SMG6: variants seen among roughly 807,000 people sequenced by gnomAD.
SMG6 encodes the protein SMG6 nonsense mediated mRNA decay factor.
In SMG6, 66 loss-of-function variants were observed where a neutral mutation model predicts 142.2. That is an observed-to-expected ratio of 0.46 (90% CI 0.38 to 0.57). The LOEUF (loss-of-function observed/expected upper bound fraction) is 0.57. Among genes scored for constraint, SMG6 ranks in the 20% least tolerant of loss-of-function variants. The pLI, the probability that SMG6 is intolerant of heterozygous loss-of-function variation, is 0.00. For synonymous variants in SMG6, 779 were observed against 702.4 expected, an observed-to-expected ratio of 1.11 and a Z score of -1.72; for missense variants, 1,793 against 1,832.0, an observed-to-expected ratio of 0.98 and a Z score of 0.39.
At chr17:2,098,920 C>G (rs562072347) in intron 13 of SMG6, among the ~76,000 whole-genome samples, 2 of 152,178 alleles carry the variant, frequency 1.3e-5, no homozygotes, top group Non-Finnish European at 2.9e-5. Context: ...CGTGAGCCAC[C>G]GTGCCTGGCC....
rs2072006977 is a variant in SMG6, at chr17:2,186,910, A to C, written c.2987-79T>G. 2.0e-6 allele frequency: 3 copies of C among 1,503,454 alleles called. No individual in the cohort carries two copies. In the Admixed American group the frequency reaches 6.0e-5, roughly 30 times the overall value. The allele number at this position is 1,503,454 out of a possible 1,614,324, so 93.1% of individuals were successfully genotyped here. On this transcript the variant is annotated intron_variant, in intron 11 of 18. Transcript: ENST00000263073. ...AGGCCTGGGGCGCTGGGACGGCAGC[A>C]AGCTCTTAGGGAAGGGAGACCAAGT...
intron 11 of SMG6, among the ~76,000 whole-genome samples, chr17:2,187,983 C>T (rs1045459355): frequency 2.6e-5 from 4 of 152,130 alleles, no homozygotes; most frequent in Admixed American, 6.5e-5. Context: ...CTATCTGGTC[C>T]AGTGAGTCTC....
chr17:2,093,513 T>A (rs546320302), intron 13 of SMG6, among the ~76,000 whole-genome samples: 70 of 151,496 alleles, frequency 4.6e-4, no homozygotes, highest in African/African-American at 1.7e-3. Context: ...GCAGCTGGCA[T>A]TTTTTTTTCC....
At chr17:2,211,326 T>C (rs891752271) in intron 10 of SMG6, among the ~76,000 whole-genome samples, 1 of 151,844 alleles carries the variant, frequency 6.6e-6, no homozygotes, top group Non-Finnish European at 1.5e-5. Context: ...TGAAGGAAAA[T>C]AAATAACTCT....
rs547383319 is a variant in SMG6, at chr17:2,208,471, T to A, written c.2870-19956A>T. On this transcript the variant is annotated intron_variant, in intron 10 of 18. Transcript: ENST00000263073. ...GCCTAGAAATCCCAACAGGGAGGGG[T>A]CCACAGCGCAGACCCCACCAAATCT... 5.9e-5 allele frequency among the ~76,000 whole-genome samples: 9 copies of A among 152,144 alleles called. No homozygotes were observed. The East Asian group carries it at 1.5e-3, about 26-fold the overall frequency.
At chr17:2,089,922 G>C (rs1265555587) in intron 13 of SMG6, among the ~76,000 whole-genome samples, 1 of 152,074 alleles carries the variant, frequency 6.6e-6, no homozygotes, top group East Asian at 1.9e-4. Flanking sequence ...GGTAGCTCAC[G>C]AATGTCATGT....
At chr17:2,171,621 G>A (rs188446573) in intron 13 of SMG6, among the ~76,000 whole-genome samples, 177 of 151,970 alleles carry the variant, frequency 1.2e-3, no homozygotes, top group African/African-American at 4.0e-3. Flanking sequence ...CGATCCGCCC[G>A]TCTCCGCTTC....
chr17:2,303,166 G>GA, intron 1 of SMG6: 1 of 985,472 alleles, frequency 1.0e-6, no homozygotes, highest in Non-Finnish European at 1.2e-6. Context: ...TCTTGGGGGG[G>GA]AAAAGTTCAG....
Position 2,060,598 on chromosome 17 carries a change from GGAA to G in SMG6, c.*891_*893del, listed in dbSNP as rs1271944082. 1 of 152,392 alleles carries G rather than the reference GGAA, an allele frequency of 6.6e-6. No individual in the cohort carries two copies. Among genetic ancestry groups the G allele is most frequent in the Non-Finnish European group, 1.5e-5 (1 of 68,110 alleles). 9.4% of individuals were successfully genotyped at this position (152,392 alleles called of 1,614,324 possible). ...GAGGTGAAAAGGATCAACTAGAAGGGGAAGAAGGGTGAGGGGCTATTCTGGAGG... is the reference window on the plus strand; with the variant it reads ...GAGGTGAAAAGGATCAACTAGAAGGGGAAGGGTGAGGGGCTATTCTGGAGG... On this transcript the variant is annotated 3_prime_UTR_variant, in exon 19 of 19. Transcript: ENST00000263073.
chr17:2,265,668 G>A (rs1389428794), intron 8 of SMG6, among the ~76,000 whole-genome samples: 7 of 152,098 alleles, frequency 4.6e-5, no homozygotes, highest in African/African-American at 7.2e-5. Flanking sequence ...TTTAGGCTTC[G>A]TGAGCCACGT....
At chr17:2,100,996 A>G (rs1297881597) in intron 13 of SMG6, 2 of 152,304 alleles carry the variant, frequency 1.3e-5, no homozygotes, top group East Asian at 3.9e-4. Context: ...ACTGAGTTTT[A>G]GAATTACTGC....
intron 13 of SMG6, among the ~76,000 whole-genome samples, chr17:2,112,598 C>T (rs1315087914): frequency 6.7e-6 from 1 of 149,326 alleles, no homozygotes; most frequent in African/African-American, 2.4e-5. Context: ...CAAGTTCTTG[C>T]ATTTGAATTG....
At chr17:2,145,595 C>T (rs1482163218) in intron 13 of SMG6, among the ~76,000 whole-genome samples, 12 of 143,028 alleles carry the variant, frequency 8.4e-5, no homozygotes, top group Admixed American at 2.1e-4. Context: ...TGGCCGAGAT[C>T]GCGCCACTGC....
intron 13 of SMG6, among the ~76,000 whole-genome samples, chr17:2,166,973 A>G (rs2151638253): frequency 1.3e-5 from 2 of 152,064 alleles, no homozygotes; most frequent in Admixed American, 1.3e-4. Flanking sequence ...TAAAAATACA[A>G]AAAAATTAGC....
chr17:2,151,701 T>C (rs149346328), intron 13 of SMG6, among the ~76,000 whole-genome samples: 16 of 152,336 alleles, frequency 1.1e-4, no homozygotes, highest in Admixed American at 3.3e-4. Context: ...AGATTCCACA[T>C]AGTATCTTCT....
intron 18 of SMG6, among the ~76,000 whole-genome samples, chr17:2,064,688 C>T (rs1227186689): frequency 2.0e-5 from 3 of 151,574 alleles, no homozygotes; most frequent in African/African-American, 7.3e-5. Context: ...GGGGGGCTGC[C>T]CTCAGAGCTG....
At chr17:2,156,198 T>C (rs1431071254) in intron 13 of SMG6, among the ~76,000 whole-genome samples, 2 of 151,106 alleles carry the variant, frequency 1.3e-5, no homozygotes, top group Non-Finnish European at 3.0e-5. Flanking sequence ...GAGACCATCC[T>C]GGGCAACATA....
intron 13 of SMG6, among the ~76,000 whole-genome samples, chr17:2,160,784 T>C (rs1016778401): frequency 2.0e-5 from 3 of 152,066 alleles, no homozygotes; most frequent in Non-Finnish European, 2.9e-5. Context: ...TGAGCCATGA[T>C]TGTATCACTG....
intron 9 of SMG6, among the ~76,000 whole-genome samples, chr17:2,241,076 A>C (rs983692425): frequency 6.6e-6 from 1 of 152,224 alleles, no homozygotes; most frequent in African/African-American, 2.4e-5. Flanking sequence ...ACAGAATAAG[A>C]GGATACCCAT....
Sources: allele counts gnomAD v4.1 joint callset (sites outside exome capture counted in the v4.1 genomes callset), GRCh38; gene constraint gnomAD v4.1.1; transcripts MANE v1.5; gene names NCBI Gene and HGNC (gene_info 2026-07-23, HGNC 2026-07-21).